EDIL3: variants seen among roughly 807,000 people sequenced by gnomAD.
EDIL3 encodes the protein EGF-like repeat and discoidin I-like domain-containing protein 3.
Under a neutral mutation model 67.4 loss-of-function variants are expected in EDIL3, and 37 were observed. That is an observed-to-expected ratio of 0.55 (90% CI 0.42 to 0.72). The LOEUF (loss-of-function observed/expected upper bound fraction) is 0.72. Among genes scored for constraint, EDIL3 ranks in the 30% least tolerant of loss-of-function variants. The probability of loss-of-function intolerance (pLI) is 0.00; values close to 1 mark genes in which losing one functional copy is unlikely to be tolerated. For synonymous variants in EDIL3, 195 were observed against 196.3 expected (o/e 0.99, Z 0.05); for missense variants, 527 against 586.3 (o/e 0.90, Z 1.04).
intron 1 of EDIL3, among the ~76,000 whole-genome samples, chr5:84,362,911 C>A (rs752334165): frequency 6.6e-6 from 1 of 152,064 alleles, no homozygotes; most frequent in Non-Finnish European, 1.5e-5. Flanking sequence ...TATGTCACTT[C>A]CCAAAGAACA....
chr5:84,234,069 C>T (rs1337807663), intron 2 of EDIL3, among the ~76,000 whole-genome samples: 2 of 152,154 alleles, frequency 1.3e-5, no homozygotes, highest in African/African-American at 4.8e-5. Context: ...CAATCTGCTA[C>T]AATCCTAATC....
chr5:84,345,300 T>C (rs1385114212), intron 1 of EDIL3, among the ~76,000 whole-genome samples: 1 of 152,178 alleles, frequency 6.6e-6, no homozygotes, highest in Non-Finnish European at 1.5e-5. Context: ...CTGAACACAC[T>C]ATTTTCCACA....
At chr5:84,191,095 G>A (rs1279674737) in intron 3 of EDIL3, among the ~76,000 whole-genome samples, 1 of 151,998 alleles carries the variant, frequency 6.6e-6, no homozygotes, top group Non-Finnish European at 1.5e-5. Context: ...ACAACTCAAT[G>A]TTAAGCTGCA....
At chr5:84,348,638 C>A (rs1747284559) in intron 1 of EDIL3, among the ~76,000 whole-genome samples, 1 of 150,042 alleles carries the variant, frequency 6.7e-6, no homozygotes, top group Admixed American at 6.6e-5. Context: ...AACCGAATTT[C>A]AGATGCATGT....
chr5:84,083,989 G>A (rs1257926238), intron 6 of EDIL3, among the ~76,000 whole-genome samples: 3 of 151,884 alleles, frequency 2.0e-5, no homozygotes, highest in Non-Finnish European at 4.4e-5. Flanking sequence ...AAGAAGATGT[G>A]GAATTGTGGT....
chr5:84,075,941 T>G (rs1746847599), intron 6 of EDIL3, among the ~76,000 whole-genome samples: 1 of 133,322 alleles, frequency 7.5e-6, no homozygotes, highest in Admixed American at 8.1e-5. Context: ...CGTGCCATTG[T>G]GGGTTTTATA....
chr5:84,352,121 A>C (rs1012252975), intron 1 of EDIL3, among the ~76,000 whole-genome samples: 1 of 152,112 alleles, frequency 6.6e-6, no homozygotes, highest in African/African-American at 2.4e-5. Context: ...ACTTCTATTA[A>C]AAAAATTAAA....
chr5:84,274,220 A>T (rs1165758601), intron 1 of EDIL3, among the ~76,000 whole-genome samples: 5 of 152,084 alleles, frequency 3.3e-5, no homozygotes, highest in African/African-American at 1.2e-4. Flanking sequence ...GATTCTCCTT[A>T]GCCTCCCAAG....
intron 6 of EDIL3, among the ~76,000 whole-genome samples, chr5:84,098,175 T>C (rs1341044735): frequency 1.3e-5 from 2 of 152,074 alleles, no homozygotes; most frequent in Non-Finnish European, 2.9e-5. Flanking sequence ...ATTGTGGTAC[T>C]ATTAATAATT....
chr5:84,099,768 G>A (rs978037777), intron 6 of EDIL3, among the ~76,000 whole-genome samples: 1 of 151,988 alleles, frequency 6.6e-6, no homozygotes, highest in Non-Finnish European at 1.5e-5. Flanking sequence ...CACAGCAAAA[G>A]AAACTATTAT....
rs983991950 is a variant in EDIL3 at position 84,016,329 on chromosome 5, C to T, written c.1137+43971G>A. On this transcript the variant is annotated intron_variant, in intron 9 of 10. Transcript: ENST00000296591. ...TAGTTTATCGTCATGCATATCAAAA[C>T]ACTGCCTAGCTCTGATAACACTCAT... 6.6e-5 allele frequency among the ~76,000 whole-genome samples: 10 copies of T among 152,288 alleles called. 1 individual carries two copies. The highest frequency in any genetic ancestry group is 2.4e-4 in the African/African-American group (10 of 41,564).
chr5:84,150,601 C>T (rs185024872), intron 4 of EDIL3, among the ~76,000 whole-genome samples: 165 of 152,220 alleles, frequency 1.1e-3, no homozygotes, highest in African/African-American at 3.2e-3. Flanking sequence ...CACTACCCAA[C>T]GATTACAACA....
chr5:84,001,441 A>G (rs929266807), intron 9 of EDIL3, among the ~76,000 whole-genome samples: 1 of 152,182 alleles, frequency 6.6e-6, no homozygotes, highest in Non-Finnish European at 1.5e-5. Flanking sequence ...AATTAGTAGA[A>G]GAAGATAAAG....
chr5:84,060,041 C>T (rs1746513678), intron 9 of EDIL3, among the ~76,000 whole-genome samples: 1 of 152,160 alleles, frequency 6.6e-6, no homozygotes, highest in Non-Finnish European at 1.5e-5. Context: ...CCTAATCAAT[C>T]AATTGACATA....
At chr5:84,151,242 A>G (rs547129868) in intron 4 of EDIL3, among the ~76,000 whole-genome samples, 3 of 150,628 alleles carry the variant, frequency 2.0e-5, no homozygotes, top group Non-Finnish European at 2.9e-5. Flanking sequence ...TAAACTAAGA[A>G]CTGCATACAC....
At chr5:84,332,778 T>C (rs968456062) in intron 1 of EDIL3, among the ~76,000 whole-genome samples, 5 of 152,156 alleles carry the variant, frequency 3.3e-5, no homozygotes, top group African/African-American at 1.2e-4. Context: ...GCAAACAATA[T>C]GGCTGATCAC....
At chr5:83,957,622 A>T (rs1744536990) in intron 10 of EDIL3, among the ~76,000 whole-genome samples, 1 of 151,498 alleles carries the variant, frequency 6.6e-6, no homozygotes, top group African/African-American at 2.4e-5. Context: ...TATTTTTCAC[A>T]CCCATGTTGA....
At chr5:83,986,952 A>G (rs1290194535) in intron 9 of EDIL3, among the ~76,000 whole-genome samples, 1 of 152,084 alleles carries the variant, frequency 6.6e-6, no homozygotes, top group Non-Finnish European at 1.5e-5. Context: ...TTGGGAAGGG[A>G]CTTTCTTAGT....
intron 2 of EDIL3, among the ~76,000 whole-genome samples, chr5:84,234,248 T>C (rs914573084): frequency 3.9e-5 from 6 of 152,198 alleles, no homozygotes; most frequent in Non-Finnish European, 7.4e-5. Flanking sequence ...ACAATAAACC[T>C]ATTCCTTGAT....
Sources: gnomAD v4.1 joint callset for allele counts (sites outside exome capture counted in the v4.1 genomes callset) on GRCh38, gnomAD v4.1.1 for gene constraint, MANE v1.5 for transcripts, NCBI Gene and HGNC (gene_info 2026-07-23, HGNC 2026-07-21) for gene names.